The following PNPT1 variants were observed in gnomAD, a reference collection of about 807,000 sequenced individuals.
PNPT1 encodes the protein polyribonucleotide nucleotidyltransferase 1, also known as polyribonucleotide nucleotidyltransferase 1, mitochondrial.
PNPT1 carries 53 observed loss-of-function variants against 119.5 expected under a neutral mutation model. The ratio of observed to expected loss-of-function variants is 0.44; its 90% CI spans 0.36 to 0.56. The LOEUF (loss-of-function observed/expected upper bound fraction) is 0.56. Among genes scored for constraint, PNPT1 ranks in the 20% least tolerant of loss-of-function variants. PNPT1 has a pLI of 0.00. For missense variants in PNPT1, 948 were observed against 938.5 expected (o/e 1.01, Z -0.13); for synonymous variants, 357 against 322.1 (o/e 1.11, Z -1.16).
intron 18 of PNPT1, among the ~76,000 whole-genome samples, chr2:55,648,964 T>A (rs1417607425): frequency 1.3e-5 from 2 of 152,116 alleles, no homozygotes; most frequent in Non-Finnish European, 2.9e-5. Context: ...GGAGTGTGGA[T>A]CTCATTTCAT....
In PNPT1 at chr2:55,686,412, G is replaced by T; in HGVS notation, c.255C>A (p.Val85=). Residue 85 remains valine (V), a synonymous_variant, in exon 3 of 28, where the codon GTC becomes GTA. Transcript: ENST00000447944. The part of the protein sequence containing the change: ...SGDTAVMVTA[V]SKTKPSPSQF... The stretch of plus-strand genomic sequence containing the variant: ...GGGAAGGGGAAGGTTTTGTTTTACT[G>T]ACCGCTGTGACCATTACTGCAGTGT... The T allele has an allele frequency of 6.2e-7, 1 of 1,613,942 alleles. No homozygotes were observed. The highest frequency in any genetic ancestry group is 1.1e-5 in the South Asian group (1 of 91,044).
intron 1 of PNPT1, 115 bp from the exon 2 acceptor site, chr2:55,687,820 C>G: frequency 1.5e-6 from 1 of 666,322 alleles, no homozygotes; most frequent in Non-Finnish European, 2.4e-6. Flanking sequence ...CCCACCCACT[C>G]CACCAACAAA....
intron 9 of PNPT1, among the ~76,000 whole-genome samples, chr2:55,672,659 T>G (rs1192496171): frequency 6.6e-6 from 1 of 152,224 alleles, no homozygotes; most frequent in East Asian, 1.9e-4. Context: ...CTTACCTGAA[T>G]CTTGACCAAT....
intron 25 of PNPT1, among the ~76,000 whole-genome samples, chr2:55,642,119 C>T (rs1038845880): frequency 6.6e-6 from 1 of 151,880 alleles, no homozygotes; most frequent in Non-Finnish European, 1.5e-5. Context: ...GGATTACAGG[C>T]GTGAGCCACC....
chr2:55,641,209 T>C (rs1216877630), intron 25 of PNPT1, among the ~76,000 whole-genome samples: 2 of 151,844 alleles, frequency 1.3e-5, no homozygotes, highest in African/African-American at 4.8e-5. Flanking sequence ...GGCAACAGAG[T>C]GAGACTCCGT....
intron 18 of PNPT1, among the ~76,000 whole-genome samples, chr2:55,654,548 T>C (rs763037073): frequency 6.6e-6 from 1 of 152,142 alleles, no homozygotes; most frequent in African/African-American, 2.4e-5. Flanking sequence ...CAAATAAAAA[T>C]TTTTCAGTGT....
intron 11 of PNPT1, among the ~76,000 whole-genome samples, chr2:55,670,122 A>C (rs1696863309): frequency 1.3e-5 from 2 of 151,848 alleles, no homozygotes; most frequent in African/African-American, 4.8e-5. Flanking sequence ...AAATTAACAA[A>C]AACTATGTCA....
intron 5 of PNPT1, among the ~76,000 whole-genome samples, chr2:55,682,590 G>A (rs947018637): frequency 2.0e-5 from 3 of 152,076 alleles, no homozygotes; most frequent in Non-Finnish European, 4.4e-5. Flanking sequence ...CTGCAATAAT[G>A]TGCCTATGTC....
chr2:55,644,587 T>A, intron 23 of PNPT1, 50 bp downstream of exon 23: 1 of 1,395,676 alleles, frequency 7.2e-7, no homozygotes, highest in South Asian at 1.2e-5. Flanking sequence ...TAGCAAACTT[T>A]TATGGTCTAG....
At position 55,640,700 on chromosome 2, in the gene PNPT1, G is replaced by A. The variant is rs1012368621; in HGVS notation, c.2075C>T (p.Thr692Ile). The change falls in exon 26 of 28, where the codon ACT becomes ATT. Residue 692 changes from threonine (T) to isoleucine (I), a missense_variant. Transcript: ENST00000447944. ...TGGATATAATTTTACCATTACACCA[G>A]TATCTCTACAAAAAAATAAATAGTA... is the stretch of plus-strand genomic sequence containing the variant. The part of the protein sequence containing the change: ...YTATITEIRD[T>I]GVMVKLYPNM... The A allele has an allele frequency of 3.2e-6, 5 of 1,560,886 alleles. No homozygotes were observed. The African/African-American group carries it at 5.4e-5, about 17-fold the overall frequency.
intron 18 of PNPT1, among the ~76,000 whole-genome samples, chr2:55,651,733 C>A (rs1696210841): frequency 6.9e-6 from 1 of 145,794 alleles, no homozygotes. Flanking sequence ...GTGACCCTGC[C>A]AAATCCCCCT....
At chr2:55,680,291 C>T (rs892869192) in intron 7 of PNPT1, among the ~76,000 whole-genome samples, 2 of 152,050 alleles carry the variant, frequency 1.3e-5, no homozygotes, top group African/African-American at 4.8e-5. Context: ...ATTGCTAGGG[C>T]CTGCTCTGCC....
Position 55,647,393 on chromosome 2 carries a change from G to A in PNPT1, c.1556C>T (p.Pro519Leu). 6.2e-7 allele frequency: 1 copy of A among 1,609,610 alleles called. No homozygotes were observed. Among genetic ancestry groups the A allele is most frequent in the Non-Finnish European group, 8.5e-7 (1 of 1,177,206 alleles). ...VAIGLVTKTD[P>L]EKGEIEDYRL... is the part of the protein sequence containing the mutation. ...ATAATCTTCTATTTCACCCTTCTCAGGATCGGTTTTGGTGACCAATCCTAT... is the reference window on the plus strand; with the variant it reads ...ATAATCTTCTATTTCACCCTTCTCAAGATCGGTTTTGGTGACCAATCCTAT... The change falls in exon 19 of 28, where the codon CCT becomes CTT. Residue 519 changes from proline to leucine, a missense_variant. Physicochemically the swap from Pro to Leu is moderately conservative, Grantham distance 98. Coordinates refer to ENST00000447944, the MANE Select transcript of PNPT1 (RefSeq NM_033109.5).
chr2:55,689,061 A>T (rs192428864), intron 1 of PNPT1, among the ~76,000 whole-genome samples: 1 of 152,212 alleles, frequency 6.6e-6, no homozygotes. Flanking sequence ...CTTAAATATG[A>T]CATCAAAAGC....
chr2:55,650,548 C>T (rs1696143364), intron 18 of PNPT1, among the ~76,000 whole-genome samples: 1 of 152,206 alleles, frequency 6.6e-6, no homozygotes, highest in African/African-American at 2.4e-5. Context: ...AGATTGCAGC[C>T]TCTGCCCGGC....
At chr2:55,686,955 C>A (rs1697425187) in intron 2 of PNPT1, among the ~76,000 whole-genome samples, 1 of 151,784 alleles carries the variant, frequency 6.6e-6, no homozygotes, top group African/African-American at 2.4e-5. Flanking sequence ...TGGCTCACGT[C>A]TGTAATCCCA....
chr2:55,645,523 C>A (rs974279952), intron 21 of PNPT1, 91 bp from the exon 22 acceptor site: 2 of 770,294 alleles, frequency 2.6e-6, no homozygotes, highest in Non-Finnish European at 4.2e-6. Flanking sequence ...ACAATCTAAA[C>A]CCTGTAGCTT....
At chr2:55,691,878 A>ATATTTTTTTT (rs1326804958) in intron 1 of PNPT1, among the ~76,000 whole-genome samples, 4 of 33,114 alleles carry the variant, frequency 1.2e-4, no homozygotes, top group African/African-American at 9.5e-5. Context: ...ATATATATAT[A>ATATTTTTTTT]TTTTTTTTTT....
At chr2:55,668,835 G>A (rs1397889306) in intron 11 of PNPT1, among the ~76,000 whole-genome samples, 1 of 151,992 alleles carries the variant, frequency 6.6e-6, no homozygotes, top group African/African-American at 2.4e-5. Flanking sequence ...CCTGACCTCA[G>A]GTGATCCGCC....
Sources: allele counts gnomAD v4.1 joint callset (sites outside exome capture counted in the v4.1 genomes callset), GRCh38; gene constraint gnomAD v4.1.1; transcripts MANE v1.5; gene names NCBI Gene and HGNC (gene_info 2026-07-23, HGNC 2026-07-21).